Variants in GLDC observed in about 807,000 individuals in gnomAD.
GLDC encodes glycine decarboxylase.
A neutral mutation model predicts 121.3 loss-of-function variants in GLDC; 104 were observed. The ratio of observed to expected loss-of-function variants is 0.86; its 90% confidence interval spans 0.73 to 1.01. The LOEUF (loss-of-function observed/expected upper bound fraction) is 1.01. Ranked by LOEUF, GLDC falls within the 50% of genes least tolerant of loss-of-function variation. The pLI is 0.00. For synonymous variants in GLDC, 546 were observed against 480.6 expected (o/e 1.14, Z -1.78); for missense variants, 1,429 against 1,306.6 (o/e 1.09, Z -1.44).
chr9:6,555,971 G>C (rs1817621171), intron 18 of GLDC, among the ~76,000 whole-genome samples, 182 bp downstream of exon 18: 1 of 152,198 alleles, frequency 6.6e-6, no homozygotes, highest in South Asian at 2.1e-4. Flanking sequence ...TTTCACAGCT[G>C]ATAAAGCTGA....
intron 15 of GLDC, among the ~76,000 whole-genome samples, chr9:6,577,977 C>G (rs914527603): frequency 2.8e-4 from 42 of 151,746 alleles, no homozygotes; most frequent in Non-Finnish European, 1.0e-4. Flanking sequence ...TGCAGCGGCA[C>G]CATCACAGTT....
intron 24 of GLDC, among the ~76,000 whole-genome samples, chr9:6,533,383 A>T (rs1248259516): frequency 6.6e-6 from 1 of 152,154 alleles, no homozygotes; most frequent in African/African-American, 2.4e-5. Context: ...TGTGCTGTTG[A>T]TATCTGGACC....
At chr9:6,533,523 T>G (rs1289196079) in intron 24 of GLDC, among the ~76,000 whole-genome samples, 4 of 152,196 alleles carry the variant, frequency 2.6e-5, no homozygotes, top group African/African-American at 9.6e-5. Context: ...TAGGTCTAAT[T>G]TATTTGCTAT....
intron 9 of GLDC, among the ~76,000 whole-genome samples, chr9:6,594,700 GAAGCAAGCAAGC>G (rs936366388): frequency 6.6e-6 from 1 of 150,958 alleles, no homozygotes; most frequent in Non-Finnish European, 1.5e-5. Flanking sequence ...ATTAAGCAAG[GAAGCAAGCAAGC>G]AAGCAAGCAA....
chr9:6,611,504 T>C lies in GLDC; in HGVS notation c.471-1148A>G, dbSNP rs1053520591. Among the ~76,000 whole-genome samples the C allele has an allele frequency of 3.5e-4, 52 of 149,700 alleles. 1 individual carries two copies. In the East Asian group the frequency reaches 6.3e-3, roughly 18 times the overall value. On this transcript the variant is annotated intron_variant, in intron 3 of 24. Transcript: ENST00000321612. The stretch of plus-strand genomic sequence containing the variant: ...CCGCGGGGCGGAGGTTGCAGTGAGC[T>C]GAGATCACGCCACTGTACTCCAGCC...
chr9:6,582,345 C>T (rs796626710), intron 15 of GLDC, among the ~76,000 whole-genome samples: 3 of 150,382 alleles, frequency 2.0e-5, no homozygotes, highest in African/African-American at 7.4e-5. Flanking sequence ...ACGGCGAAAC[C>T]CTGTCTCTAC....
intron 2 of GLDC, among the ~76,000 whole-genome samples, chr9:6,634,619 G>A (rs1480033877): frequency 6.6e-6 from 1 of 152,046 alleles, no homozygotes; most frequent in Non-Finnish European, 1.5e-5. Context: ...AAGCTCTGCC[G>A]GAAAACTAAT....
At chr9:6,546,259 T>C (rs1412724691) in intron 21 of GLDC, among the ~76,000 whole-genome samples, 2 of 151,850 alleles carry the variant, frequency 1.3e-5, no homozygotes, top group African/African-American at 4.8e-5. Flanking sequence ...GTGGCACCAT[T>C]ACAACTCACT....
At chr9:6,550,679 A>G (rs2129704671) in intron 21 of GLDC, 124 bp downstream of exon 21, 2 of 754,416 alleles carry the variant, frequency 2.7e-6, no homozygotes, top group South Asian at 2.8e-5. Flanking sequence ...AGAACTCTAC[A>G]CTATTTTCTG....
intron 4 of GLDC, among the ~76,000 whole-genome samples, chr9:6,608,152 G>C (rs998073138): frequency 6.6e-6 from 1 of 151,726 alleles, no homozygotes; most frequent in Non-Finnish European, 1.5e-5. Context: ...GGTGGTTCAC[G>C]CCTGTAATCC....
chr9:6,585,627 A>G (rs955710866), intron 15 of GLDC, among the ~76,000 whole-genome samples: 4 of 152,198 alleles, frequency 2.6e-5, no homozygotes, highest in African/African-American at 9.7e-5. Flanking sequence ...GTTACAAAAC[A>G]GAAGGTAGGG....
chr9:6,585,681 G>C (rs1050099459), intron 15 of GLDC, among the ~76,000 whole-genome samples: 2 of 152,118 alleles, frequency 1.3e-5, no homozygotes, highest in Non-Finnish European at 2.9e-5. Flanking sequence ...GCTCCCAGAG[G>C]GGTCAACTCT....
intron 15 of GLDC, among the ~76,000 whole-genome samples, chr9:6,582,214 C>CAAAA (rs34879516): frequency 6.2e-5 from 3 of 48,642 alleles, no homozygotes; most frequent in South Asian, 8.4e-4. Context: ...GACTTCGTCT[C>CAAAA]AAAAAAAAAA....
At chr9:6,540,391 A>T (rs1269491704) in intron 21 of GLDC, 26 of 487,538 alleles carry the variant, frequency 5.3e-5, no homozygotes, top group Non-Finnish European at 9.3e-5. Flanking sequence ...ACACCTGTGA[A>T]CCTGATTATG....
At chr9:6,552,142 A>T (rs954945935) in intron 20 of GLDC, among the ~76,000 whole-genome samples, 1 of 152,196 alleles carries the variant, frequency 6.6e-6, no homozygotes, top group Non-Finnish European at 1.5e-5. Context: ...CAGGGAGAGA[A>T]GCAGCTAAAG....
chr9:6,575,381 G>A (rs1043644129), intron 15 of GLDC, among the ~76,000 whole-genome samples: 2 of 152,186 alleles, frequency 1.3e-5, no homozygotes, highest in Non-Finnish European at 1.5e-5. Context: ...TAAACCTAGT[G>A]GTTTTCACAG....
chr9:6,623,183 G>T (rs1405671849), intron 2 of GLDC: 4 of 178,862 alleles, frequency 2.2e-5, no homozygotes, highest in South Asian at 7.7e-5. Context: ...AAGGGGGAAA[G>T]GTGGGGAAAA....
intron 22 of GLDC, among the ~76,000 whole-genome samples, chr9:6,537,084 G>A (rs1817143775): frequency 6.7e-6 from 1 of 148,384 alleles, no homozygotes; most frequent in Non-Finnish European, 1.5e-5. Flanking sequence ...AGGTTAGAGT[G>A]CACTGGCACA....
intron 2 of GLDC, among the ~76,000 whole-genome samples, chr9:6,626,600 TG>T (rs1819243200): frequency 6.6e-6 from 1 of 152,198 alleles, no homozygotes; most frequent in African/African-American, 2.4e-5. Context: ...CATTCAAATG[TG>T]AAAATCATCA....
Sources: allele counts gnomAD v4.1 joint callset (sites outside exome capture counted in the v4.1 genomes callset), GRCh38; gene constraint gnomAD v4.1.1; transcripts MANE v1.5; gene names NCBI Gene and HGNC (gene_info 2026-07-23, HGNC 2026-07-21).